The following SYNPO2 variants were observed in gnomAD, a reference collection of about 807,000 sequenced individuals.
SYNPO2 encodes synaptopodin-2.
Under a neutral mutation model 85.0 loss-of-function variants are expected in SYNPO2, and 56 were observed. The observed-to-expected ratio is 0.66, with a 90% CI of 0.53 to 0.82. SYNPO2 has a LOEUF of 0.82. SYNPO2 is among the 40% of genes least tolerant of loss of function. The pLI is 0.00. For missense variants in SYNPO2, 1,575 were observed against 1,534.2 expected, an observed-to-expected ratio of 1.03 and a Z score of -0.44; for synonymous variants, 602 against 591.1, an observed-to-expected ratio of 1.02 and a Z score of -0.27.
chr4:119,020,031 A>C (rs985582819), intron 1 of SYNPO2, among the ~76,000 whole-genome samples: 1 of 152,160 alleles, frequency 6.6e-6, no homozygotes, highest in African/African-American at 2.4e-5. Flanking sequence ...CACTTATACA[A>C]TTATAAAAAT....
At chr4:118,864,105 C>T (rs190420916) in intron 1 of SYNPO2, among the ~76,000 whole-genome samples, 1 of 138,436 alleles carries the variant, frequency 7.2e-6, no homozygotes, top group African/African-American at 2.5e-5. Flanking sequence ...ATAAACTTTC[C>T]TCTTAGTACT....
intron 4 of SYNPO2, chr4:119,034,015 G>T (rs1257721006): frequency 8.1e-6 from 8 of 985,432 alleles, no homozygotes; most frequent in Non-Finnish European, 8.4e-6. Context: ...ACCACAGGAT[G>T]TAGCTTGGTC....
chr4:118,877,994 T>C (rs1423354476), intron 1 of SYNPO2, among the ~76,000 whole-genome samples: 1 of 152,178 alleles, frequency 6.6e-6, no homozygotes, highest in Non-Finnish European at 1.5e-5. Flanking sequence ...TTAAAAAATA[T>C]GGTACATATA....
chr4:118,938,138 C>T (rs1734174164), intron 1 of SYNPO2, among the ~76,000 whole-genome samples: 1 of 152,060 alleles, frequency 6.6e-6, no homozygotes, highest in Non-Finnish European at 1.5e-5. Context: ...CTCATCTCTA[C>T]TAAAAAATAC....
intron 1 of SYNPO2, among the ~76,000 whole-genome samples, chr4:118,906,883 T>C (rs891416130): frequency 6.6e-6 from 1 of 152,084 alleles, no homozygotes; most frequent in Non-Finnish European, 1.5e-5. Context: ...GGCACCATCA[T>C]AGCTCACTAC....
chr4:118,909,363 T>C (rs1202869629), intron 1 of SYNPO2, among the ~76,000 whole-genome samples: 2 of 152,106 alleles, frequency 1.3e-5, no homozygotes, highest in East Asian at 1.9e-4. Context: ...CCTGGGGGTA[T>C]TGACCTACAG....
At chr4:118,856,726 G>A (rs985976951) in intron 1 of SYNPO2, among the ~76,000 whole-genome samples, 2 of 151,986 alleles carry the variant, frequency 1.3e-5, no homozygotes, top group African/African-American at 4.8e-5. Flanking sequence ...TGCCCAGGCT[G>A]GTCCCGAACT....
chr4:119,001,942 G>A (rs554616274), intron 1 of SYNPO2, among the ~76,000 whole-genome samples: 25 of 152,070 alleles, frequency 1.6e-4, no homozygotes, highest in Non-Finnish European at 2.6e-4. Flanking sequence ...ATGTCACAAC[G>A]GAAGATGAAG....
At chr4:118,979,062 G>A (rs1259312405) in intron 1 of SYNPO2, among the ~76,000 whole-genome samples, 4 of 152,036 alleles carry the variant, frequency 2.6e-5, no homozygotes, top group Non-Finnish European at 4.4e-5. Flanking sequence ...ATTTTGGATC[G>A]GCCTCTTTCG....
At chr4:118,875,397 A>G (rs917273846) in intron 1 of SYNPO2, among the ~76,000 whole-genome samples, 1 of 152,182 alleles carries the variant, frequency 6.6e-6, no homozygotes. Flanking sequence ...ATTAACCTCT[A>G]GCATGGTTTA....
chr4:119,059,932 G>A lies in SYNPO2; in HGVS notation c.*1998G>A, dbSNP rs1311701097. 3.3e-5 allele frequency: 5 copies of A among 152,066 alleles called. No homozygotes were observed. The highest frequency in any genetic ancestry group is 2.0e-4 in the Admixed American group (3 of 15,258). 9.4% of individuals were successfully genotyped at this position (152,066 alleles called of 1,614,324 possible). A position where few individuals can be genotyped will look rare whatever the true frequency, so the allele number is the denominator to read the frequency against. On this transcript the variant is annotated 3_prime_UTR_variant, in exon 5 of 5. Transcript: ENST00000307142. ...TTTTTATAGAATCCTAAAAAATAAC[G>A]CCTGATGTATAGATTAGTTAGCAAA... is the stretch of plus-strand genomic sequence containing the variant.
At position 119,031,423 on chromosome 4, in the gene SYNPO2, T is replaced by C; in HGVS notation, c.2648T>C (p.Met883Thr). The change falls in exon 4 of 5, where the codon ATG becomes ACG. Residue 883 changes from methionine to threonine, a missense_variant. Coordinates refer to ENST00000307142, the MANE Select transcript of SYNPO2 (RefSeq NM_133477.3). ...CTCTTTGCTAAAAGGCAGTCGAGAA[T>C]GGAGAAGTATGTGGTCGATTCAGAC... ...AQLFAKRQSR[M>T]EKYVVDSDTV... The C allele has an allele frequency of 1.9e-6, 3 of 1,614,148 alleles. No homozygotes were observed. Among genetic ancestry groups the C allele is most frequent in the Non-Finnish European group, 2.5e-6 (3 of 1,180,032 alleles).
chr4:118,851,997 G>C (rs1419624173), intron 1 of SYNPO2, among the ~76,000 whole-genome samples: 1 of 152,112 alleles, frequency 6.6e-6, no homozygotes, highest in Non-Finnish European at 1.5e-5. Flanking sequence ...TGAAACCATA[G>C]CAAGAAAGTT....
intron 1 of SYNPO2, among the ~76,000 whole-genome samples, chr4:118,963,366 C>T (rs1405750193): frequency 6.6e-6 from 1 of 152,222 alleles, no homozygotes. Context: ...ATAATTTTAC[C>T]TGACTTACTG....
rs1321466162 is a variant in SYNPO2, at chr4:118,927,731, GAT to G, written c.105+38592_105+38593del. ...AGATAGATAGATAGATAGATAGATA[GAT>G]AGATAGATAGATAGATGATAGATAG... On this transcript the variant is annotated intron_variant, in intron 1 of 4. Transcript: ENST00000307142. 2.1e-5 allele frequency among the ~76,000 whole-genome samples: 3 copies of G among 145,116 alleles called. No homozygotes were observed. In the East Asian group the frequency reaches 5.9e-4, roughly 28 times the overall value.
At chr4:118,895,678 A>T (rs1376640103) in intron 1 of SYNPO2, among the ~76,000 whole-genome samples, 1 of 152,198 alleles carries the variant, frequency 6.6e-6, no homozygotes, top group African/African-American at 2.4e-5. Context: ...GTTCAAATCT[A>T]GCCACCTTTT....
chr4:118,942,756 C>A (rs190829828), intron 1 of SYNPO2, among the ~76,000 whole-genome samples: 1 of 152,242 alleles, frequency 6.6e-6, no homozygotes, highest in Admixed American at 6.5e-5. Context: ...AGAGATGCTG[C>A]TAAACTTCCT....
chr4:118,932,788 G>A (rs1733976784), intron 1 of SYNPO2, among the ~76,000 whole-genome samples: 1 of 152,160 alleles, frequency 6.6e-6, no homozygotes, highest in South Asian at 2.1e-4. Flanking sequence ...TGGGATCGTT[G>A]TATTGAAACA....
chr4:118,860,661 TC>T (rs35821699), intron 1 of SYNPO2, among the ~76,000 whole-genome samples: 1 of 147,882 alleles, frequency 6.8e-6, no homozygotes, highest in Admixed American at 6.8e-5. Context: ...GTTCAAGAAA[TC>T]CCCCTGCTTC....
Sources: allele counts gnomAD v4.1 joint callset (sites outside exome capture counted in the v4.1 genomes callset), GRCh38; gene constraint gnomAD v4.1.1; transcripts MANE v1.5; gene names NCBI Gene and HGNC (gene_info 2026-07-23, HGNC 2026-07-21).